Variants in HDAC9 observed in about 807,000 individuals in gnomAD.
HDAC9 encodes the protein MEF-2 interacting transcription repressor (MITR) protein.
A neutral mutation model predicts 139.4 loss-of-function variants in HDAC9; 41 were observed. The ratio of observed to expected loss-of-function variants is 0.29; its 90% CI spans 0.23 to 0.38. The LOEUF (loss-of-function observed/expected upper bound fraction) is 0.38. Ranked by LOEUF, HDAC9 falls within the 10% of genes least tolerant of loss-of-function variation. The pLI is 1.00. For missense variants in HDAC9, 1,147 were observed against 1,297.0 expected, an observed-to-expected ratio of 0.88 and a Z score of 1.78; for synonymous variants, 517 against 476.2, an observed-to-expected ratio of 1.09 and a Z score of -1.12.
At chr7:18,942,349 A>G (rs1014500833) in intron 23 of HDAC9, among the ~76,000 whole-genome samples, 1 of 152,030 alleles carries the variant, frequency 6.6e-6, no homozygotes, top group Admixed American at 6.6e-5. Flanking sequence ...GGAATTGTGG[A>G]TGGCTCTGTT....
intron 6 of HDAC9, among the ~76,000 whole-genome samples, chr7:18,605,221 A>G (rs1835123053): frequency 6.6e-6 from 1 of 152,130 alleles, no homozygotes; most frequent in Admixed American, 6.5e-5. Flanking sequence ...CACTGTTATA[A>G]TACAGAACCT....
At chr7:18,615,363 A>G (rs1217797598) in intron 6 of HDAC9, among the ~76,000 whole-genome samples, 1 of 152,178 alleles carries the variant, frequency 6.6e-6, no homozygotes, top group Non-Finnish European at 1.5e-5. Context: ...TGGAATGTGT[A>G]AAACAACAGC....
At chr7:18,300,054 C>T (rs1185778600) in intron 1 of HDAC9, among the ~76,000 whole-genome samples, 1 of 152,200 alleles carries the variant, frequency 6.6e-6, no homozygotes, top group African/African-American at 2.4e-5. Context: ...AGGTCTTCCT[C>T]CCCTTACAGC....
intron 1 of HDAC9, among the ~76,000 whole-genome samples, chr7:18,376,554 G>T (rs1011710382): frequency 6.6e-5 from 10 of 151,942 alleles, no homozygotes; most frequent in Admixed American, 1.3e-4. Flanking sequence ...CTGTTGCTTC[G>T]GGTGCCTGGC....
At chr7:18,912,292 C>T (rs189375227) in intron 22 of HDAC9, among the ~76,000 whole-genome samples, 97 of 152,104 alleles carry the variant, frequency 6.4e-4, no homozygotes, top group African/African-American at 2.3e-3. Flanking sequence ...TCACTTTTCT[C>T]AGCTGTGAAA....
At chr7:18,479,049 C>T (rs1027231611) in intron 1 of HDAC9, among the ~76,000 whole-genome samples, 5 of 151,930 alleles carry the variant, frequency 3.3e-5, no homozygotes, top group Non-Finnish European at 7.4e-5. Context: ...TCACTGTAAA[C>T]GTTTTCTCTC....
At chr7:18,577,705 A>T (rs1826425897) in intron 2 of HDAC9, among the ~76,000 whole-genome samples, 1 of 152,142 alleles carries the variant, frequency 6.6e-6, no homozygotes, top group Non-Finnish European at 1.5e-5. Flanking sequence ...AATTAAGTTG[A>T]TAAAGAAGGA....
chr7:18,547,681 G>C (rs1382274080), intron 2 of HDAC9, among the ~76,000 whole-genome samples: 1 of 152,190 alleles, frequency 6.6e-6, no homozygotes, highest in Non-Finnish European at 1.5e-5. Context: ...CAAAATTGAA[G>C]TCAATGCTTC....
intron 1 of HDAC9, among the ~76,000 whole-genome samples, chr7:18,303,410 TGTGTGTGTGTGTG>T (rs1233688186): frequency 7.1e-6 from 1 of 140,540 alleles, no homozygotes; most frequent in African/African-American, 2.9e-5. Flanking sequence ...TGTGTGTGTG[TGTGTGTGTGTGTG>T]TTTTTAGTAG....
At position 18,575,027 on chromosome 7, in the gene HDAC9, C is replaced by T. The variant is rs536132573; in HGVS notation, c.23-10254C>T. 2.1e-4 allele frequency among the ~76,000 whole-genome samples: 32 copies of T among 152,368 alleles called. No individual in the cohort carries two copies. The South Asian group carries it at 5.0e-3, about 24-fold the overall frequency. On this transcript the variant is annotated intron_variant, in intron 2 of 25. Transcript: ENST00000686413. ...CGGGCTCCATGGAGTGGGCAGCCCC[C>T]GCCCCCACTGCAGCTGGTGTCATGG...
At chr7:18,636,391 C>G (rs757399739) in intron 8 of HDAC9, among the ~76,000 whole-genome samples, 5 of 127,550 alleles carry the variant, frequency 3.9e-5, no homozygotes, top group Non-Finnish European at 8.7e-5. Context: ...AGATCTGTAG[C>G]CCAAATCATA....
At chr7:18,416,038 A>G (rs1485171434) in intron 1 of HDAC9, among the ~76,000 whole-genome samples, 1 of 152,178 alleles carries the variant, frequency 6.6e-6, no homozygotes, top group African/African-American at 2.4e-5. Context: ...TCACGCCTGT[A>G]ATCCCAAAAC....
intron 25 of HDAC9, among the ~76,000 whole-genome samples, chr7:18,988,040 T>G (rs1302212051): frequency 1.3e-5 from 2 of 152,252 alleles, no homozygotes; most frequent in African/African-American, 4.8e-5. Flanking sequence ...ATTAATTTTT[T>G]GAAGGGTTTT....
At chr7:18,240,689 A>T (rs1160676035) in intron 2 of HDAC9, among the ~76,000 whole-genome samples, 1 of 152,144 alleles carries the variant, frequency 6.6e-6, no homozygotes, top group Non-Finnish European at 1.5e-5. Context: ...CCATCTTATC[A>T]GAACAAAATC....
chr7:18,734,195 T>G (rs1472637659), intron 13 of HDAC9, among the ~76,000 whole-genome samples: 2 of 152,184 alleles, frequency 1.3e-5, no homozygotes, highest in Non-Finnish European at 2.9e-5. Context: ...ATCAAAACTT[T>G]TCATCATTAT....
chr7:18,292,655 A>G (rs1449034312), intron 1 of HDAC9, among the ~76,000 whole-genome samples: 1 of 152,086 alleles, frequency 6.6e-6, no homozygotes, highest in East Asian at 1.9e-4. Context: ...TCAGTGGTGG[A>G]TTTTGTTTTT....
At chr7:18,623,166 A>G (rs1036190651) in intron 6 of HDAC9, among the ~76,000 whole-genome samples, 8 of 150,402 alleles carry the variant, frequency 5.3e-5, no homozygotes, top group Non-Finnish European at 5.9e-5. Flanking sequence ...AAAAAAAGTG[A>G]GCAGAGGCAA....
intron 1 of HDAC9, among the ~76,000 whole-genome samples, chr7:18,306,350 AG>A (rs1798906541): frequency 6.6e-6 from 1 of 152,224 alleles, no homozygotes; most frequent in Non-Finnish European, 1.5e-5. Flanking sequence ...ATGTCTGGCC[AG>A]TGTGTACTGC....
intron 24 of HDAC9, among the ~76,000 whole-genome samples, chr7:18,955,250 G>A (rs1361027116): frequency 1.3e-5 from 2 of 152,076 alleles, no homozygotes; most frequent in Non-Finnish European, 1.5e-5. Flanking sequence ...AAGGCTGGAG[G>A]TGATTTCATA....
Sources: allele counts gnomAD v4.1 joint callset (sites outside exome capture counted in the v4.1 genomes callset), GRCh38; gene constraint gnomAD v4.1.1; transcripts MANE v1.5; gene names NCBI Gene and HGNC (gene_info 2026-07-23, HGNC 2026-07-21).